The following RPS25 variants were observed in gnomAD, a reference collection of about 807,000 sequenced individuals.
The protein encoded by RPS25 is ribosomal protein S25.
Under a neutral mutation model 14.4 loss-of-function variants are expected in RPS25, and 1 was observed. The ratio of observed to expected loss-of-function variants is 0.07; its 90% CI spans 0.02 to 0.33. The LOEUF is 0.33. Among genes scored for constraint, RPS25 ranks in the 10% least tolerant of loss-of-function variants. The probability of loss-of-function intolerance (pLI) is 1.00; values close to 1 mark genes in which losing one functional copy is unlikely to be tolerated. For missense variants in RPS25, 65 were observed against 144.6 expected (o/e 0.45, Z 2.82); for synonymous variants, 63 against 53.8 (o/e 1.17, Z -0.75).
At chr11:119,017,677 CAAAA>C (rs781825108) in intron 2 of RPS25, 132 bp from the exon 3 acceptor site, 26 of 759,146 alleles carry the variant, frequency 3.4e-5, no homozygotes, top group Non-Finnish European at 4.3e-5. Context: ...AAAACAAAAA[CAAAA>C]AAAAAACACC....
At chr11:119,017,681 A>C in intron 2 of RPS25, 136 bp from the exon 3 acceptor site, 1 of 874,258 alleles carries the variant, frequency 1.1e-6, no homozygotes. Context: ...CAAAAACAAA[A>C]AAAAAACACC....
At position 119,015,851 on chromosome 11, in the gene RPS25, A is replaced by ATT. The variant is rs1565674501; in HGVS notation, c.371_372insAA (p.Asp124GlufsTer5). On this transcript the variant is annotated frameshift_variant, in exon 4 of 5. Transcript: ENST00000527673. LOFTEE classifies it high-confidence loss of function. ...CACATTCCTACTCACCTATTCATGC[A>ATT]TCTTCACCAGCAGCTGGAGCATCTC... The ATT allele has an allele frequency of 6.3e-7, 1 of 1,597,638 alleles. No homozygotes were observed. Among genetic ancestry groups the ATT allele is most frequent in the Admixed American group, 1.7e-5 (1 of 59,994 alleles).
rs1269994591 is a variant in RPS25, at chr11:119,018,070, G to A, written c.4-17C>T. 4 of 1,610,414 alleles carry A rather than the reference G, an allele frequency of 2.5e-6. No individual in the cohort carries two copies. Among genetic ancestry groups the A allele is most frequent in the African/African-American group, 1.3e-5 (1 of 74,818 alleles). On this transcript the variant is annotated splice_polypyrimidine_tract_variant and intron_variant, in intron 1 of 4. Transcript: ENST00000527673. ...CTTAGGCGGCTGTAGGAGGGCAGCG[G>A]GAATGCAACCAGGTCCTCAAATAGC...
chr11:119,018,342 AGGAAG>A, exon 1 of RPS25: 1 of 1,613,270 alleles, frequency 6.2e-7, no homozygotes, highest in African/African-American at 1.3e-5. Flanking sequence ...TCGGACAAAA[AGGAAG>A]CGCTGCTCAG....
chr11:119,017,926 C>G (rs782253284), intron 2 of RPS25, 32 bp downstream of exon 2: 1 of 1,533,084 alleles, frequency 6.5e-7, no homozygotes, highest in East Asian at 2.2e-5. Flanking sequence ...GAGAGTTACC[C>G]CTAGTCTCTT....
rs1355287766 is a variant in RPS25 at position 119,018,292 on chromosome 11, C to T, written c.-8G>A. On this transcript the variant is annotated 5_prime_UTR_variant, in exon 1 of 5. Transcript: ENST00000527673. ...ACCCCTGAAGCTTACCATTGCGAAGCTCGGAGAATAGCAGCAGACACCGCA... is the reference window on the plus strand; with the variant it reads ...ACCCCTGAAGCTTACCATTGCGAAGTTCGGAGAATAGCAGCAGACACCGCA... The T allele has an allele frequency of 3.7e-6, 6 of 1,614,162 alleles. No individual in the cohort carries two copies. The South Asian group carries it at 4.4e-5, about 12-fold the overall frequency.
chr11:119,015,765 A>G lies in RPS25; in HGVS notation c.*5-7T>C. 1 of 1,306,674 alleles carries G rather than the reference A, an allele frequency of 7.7e-7. No homozygotes were observed. Among genetic ancestry groups the G allele is most frequent in the South Asian group, 1.2e-5 (1 of 80,430 alleles). The allele number at this position is 1,306,674 out of a possible 1,614,324, so 80.9% of individuals were successfully genotyped here. ...AATGTACAGCTGGTTGGACCTGTAA[A>G]AAAAAATTAAAAGAATCAGAACCAT... On this transcript the variant is annotated splice_region_variant and splice_polypyrimidine_tract_variant and intron_variant, in intron 4 of 4. Transcript: ENST00000527673.
At position 119,015,874 on chromosome 11, in the gene RPS25, C is replaced by T; in HGVS notation, c.349G>A (p.Asp117Asn). The change falls in exon 4 of 5, where the codon GAT becomes AAT. Residue 117 changes from aspartate to asparagine, a missense_variant. Coordinates refer to ENST00000527673, the MANE Select transcript of RPS25 (RefSeq NM_001028.3). ...VIYTRNTKGGDAPAAGEDA is the reference protein window; with the variant it reads ...VIYTRNTKGGNAPAAGEDA Reference sequence around the variant, plus strand: ...GCATCTTCACCAGCAGCTGGAGCATCTCCACCCTTGGTATTTCTGGTGTAA... The same window carrying T: ...GCATCTTCACCAGCAGCTGGAGCATTTCCACCCTTGGTATTTCTGGTGTAA... The T allele has an allele frequency of 1.2e-6, 2 of 1,611,270 alleles. No individual in the cohort carries two copies. The highest frequency in any genetic ancestry group is 1.7e-6 in the Non-Finnish European group (2 of 1,177,402).
chr11:119,017,861 T>C, intron 2 of RPS25, 97 bp downstream of exon 2: 1 of 940,480 alleles, frequency 1.1e-6, no homozygotes, highest in South Asian at 1.4e-5. Flanking sequence ...ACTCTAGAAA[T>C]CTACACCTGA....
rs782003562 is a variant in RPS25 at position 119,017,378 on chromosome 11, C to A, written c.267G>T (p.Gln89His). The change falls in exon 3 of 5, where the codon CAG becomes CAT. Residue 89 changes from glutamine to histidine, a missense_variant. Physicochemically the swap from Gln to His is conservative, Grantham distance 24. Transcript: ENST00000527673. Reference sequence around the variant, plus strand: ...ACCCCTCACCTTTACTAAGGAGCTCCTGAAGGGCTGCCCTGGCCAGGGAGC... The same window carrying A: ...ACCCCTCACCTTTACTAAGGAGCTCATGAAGGGCTGCCCTGGCCAGGGAGC... ...IRGSLARAAL[Q>H]ELLSKGLIKL... 1.2e-6 allele frequency: 2 copies of A among 1,613,550 alleles called. No homozygotes were observed. The highest frequency in any genetic ancestry group is 1.7e-5 in the Admixed American group (1 of 59,914).
chr11:119,016,965 T>G (rs1028827369), intron 3 of RPS25, among the ~76,000 whole-genome samples: 11 of 152,120 alleles, frequency 7.2e-5, no homozygotes, highest in Non-Finnish European at 1.3e-4. Flanking sequence ...ACCATACTAC[T>G]GAGTAGACCG....
chr11:119,017,945 GTCT>G lies in RPS25; in HGVS notation c.99+10_99+12del. The G allele has an allele frequency of 6.3e-7, 1 of 1,598,968 alleles. No homozygotes were observed. Among genetic ancestry groups the G allele is most frequent in the Non-Finnish European group, 8.6e-7 (1 of 1,167,188 alleles). ...GTTACCCCTAGTCTCTTTCAGAGAGGTCTTATTTCTACCTTCTTTTTGGCCTTG... is the reference window on the plus strand; with the variant it reads ...GTTACCCCTAGTCTCTTTCAGAGAGGTATTTCTACCTTCTTTTTGGCCTTG... On this transcript the variant is annotated intron_variant, in intron 2 of 4. Transcript: ENST00000527673.
intron 3 of RPS25, 79 bp downstream of exon 3, chr11:119,017,283 C>T: frequency 9.0e-7 from 1 of 1,112,662 alleles, no homozygotes; most frequent in South Asian, 1.9e-5. Context: ...TCTGCTTTTC[C>T]AGCAAAACCA....
chr11:119,018,296 G>C lies in RPS25; in HGVS notation c.-12C>G, dbSNP rs782036157. On this transcript the variant is annotated 5_prime_UTR_variant, in exon 1 of 5. Coordinates refer to ENST00000527673, the MANE Select transcript of RPS25 (RefSeq NM_001028.3). ...CTGAAGCTTACCATTGCGAAGCTCG[G>C]AGAATAGCAGCAGACACCGCAGCCT... The C allele has an allele frequency of 6.2e-7, 1 of 1,614,038 alleles. No individual in the cohort carries two copies. The highest frequency in any genetic ancestry group is 8.5e-7 in the Non-Finnish European group (1 of 1,180,036).
chr11:119,016,834 C>T (rs1410297587), intron 3 of RPS25, among the ~76,000 whole-genome samples: 5 of 152,006 alleles, frequency 3.3e-5, no homozygotes, highest in African/African-American at 1.2e-4. Context: ...ATTGGCCAGG[C>T]TGGTCTTTAA....
At chr11:119,017,892 T>C (rs563440506) in intron 2 of RPS25, 66 bp downstream of exon 2, 5 of 1,272,794 alleles carry the variant, frequency 3.9e-6, no homozygotes, top group African/African-American at 1.5e-5. Context: ...ACTATACAAG[T>C]TACCTATTAC....
chr11:119,018,060 G>T lies in RPS25; in HGVS notation c.4-7C>A. Reference sequence around the variant, plus strand: ...TCTTGTCGTCCTTAGGCGGCTGTAGGAGGGCAGCGGGAATGCAACCAGGTC... The same window carrying T: ...TCTTGTCGTCCTTAGGCGGCTGTAGTAGGGCAGCGGGAATGCAACCAGGTC... On this transcript the variant is annotated splice_polypyrimidine_tract_variant and splice_region_variant and intron_variant, in intron 1 of 4. Transcript: ENST00000527673. 1 of 1,612,180 alleles carries T rather than the reference G, an allele frequency of 6.2e-7. No individual in the cohort carries two copies. The highest frequency in any genetic ancestry group is 8.5e-7 in the Non-Finnish European group (1 of 1,179,884).
At chr11:119,017,677 C>CA (rs781825108) in intron 2 of RPS25, 132 bp from the exon 3 acceptor site, 10,078 of 720,682 alleles carry the variant, frequency 0.014, 1 homozygote, top group South Asian at 0.021. Context: ...AAAACAAAAA[C>CA]AAAAAAAAAA....
At chr11:119,016,441 T>C (rs1479547505) in intron 3 of RPS25, among the ~76,000 whole-genome samples, 1 of 152,128 alleles carries the variant, frequency 6.6e-6, no homozygotes, top group Non-Finnish European at 1.5e-5. Context: ...CTCTCAGAGG[T>C]GCCCAGAATG....
Sources: allele counts gnomAD v4.1 joint callset (sites outside exome capture counted in the v4.1 genomes callset), GRCh38; gene constraint gnomAD v4.1.1; transcripts MANE v1.5; gene names NCBI Gene and HGNC (gene_info 2026-07-23, HGNC 2026-07-21).